KLHL29: variants seen among roughly 807,000 people sequenced by gnomAD.
The protein encoded by KLHL29 is kelch-like protein 29.
A neutral mutation model predicts 80.4 loss-of-function variants in KLHL29; 21 were observed. The observed-to-expected ratio is 0.26, with a 90% CI of 0.19 to 0.38. KLHL29 has a LOEUF of 0.38. Among genes scored for constraint, KLHL29 ranks in the 10% least tolerant of loss-of-function variants. KLHL29 has a pLI of 1.00. For synonymous variants in KLHL29, 511 were observed against 526.8 expected, an observed-to-expected ratio of 0.97 and a Z score of 0.41; for missense variants, 867 against 1,223.9, an observed-to-expected ratio of 0.71 and a Z score of 4.35.
rs1274152609 is a variant in KLHL29 at position 23,691,677 on chromosome 2, C to T, written c.1083C>T (p.Ser361=). ...SLYFKDLIQR[S]VQDSGQGGRE... ...ACACCCTGGTCTCTGTGCCTAGGTC[C>T]GTGCAAGACAGCGGCCAGGGCGGCC... The change falls in exon 7 of 14, where the codon TCC becomes TCT. Residue 361 remains serine, a synonymous_variant. Coordinates refer to ENST00000486442, the MANE Select transcript of KLHL29 (RefSeq NM_052920.2). The T allele has an allele frequency of 7.7e-6, 12 of 1,551,520 alleles. No homozygotes were observed. In the Admixed American group the frequency reaches 7.8e-5, roughly 10 times the overall value.
In KLHL29 at chr2:23,574,376, G is replaced by A. The variant is rs148568179; in HGVS notation, c.285+11895G>A. Among the ~76,000 whole-genome samples, 705 of 152,272 alleles carry A rather than the reference G, an allele frequency of 4.6e-3. 5 individuals are homozygous for A. Among genetic ancestry groups the A allele is most frequent in the African/African-American group, 0.016 (662 of 41,550 alleles). On this transcript the variant is annotated intron_variant, in intron 3 of 13. Coordinates refer to ENST00000486442, the MANE Select transcript of KLHL29 (RefSeq NM_052920.2). ...CTGAATGACTTTAAGGTGGAACGCCGAAGCTCTCTGAGACTGTTTCCTTAT... is the reference window on the plus strand; with the variant it reads ...CTGAATGACTTTAAGGTGGAACGCCAAAGCTCTCTGAGACTGTTTCCTTAT...
At chr2:23,675,221 C>G (rs1426065296) in intron 5 of KLHL29, among the ~76,000 whole-genome samples, 1 of 152,204 alleles carries the variant, frequency 6.6e-6, no homozygotes, top group East Asian at 1.9e-4. Flanking sequence ...AAGTAGCAAC[C>G]TTTTTGCTGG....
intron 3 of KLHL29, among the ~76,000 whole-genome samples, chr2:23,609,845 A>G (rs1039530515): frequency 1.3e-5 from 2 of 152,150 alleles, no homozygotes; most frequent in African/African-American, 4.8e-5. Context: ...AGTTGGTGCA[A>G]GACTACACTA....
At chr2:23,407,975 G>A (rs1454281064) in intron 1 of KLHL29, among the ~76,000 whole-genome samples, 1 of 151,764 alleles carries the variant, frequency 6.6e-6, no homozygotes, top group Non-Finnish European at 1.5e-5. Context: ...GCATTGGTGC[G>A]ATCTTGACTC....
At chr2:23,551,606 C>G (rs1667131748) in intron 2 of KLHL29, among the ~76,000 whole-genome samples, 1 of 152,210 alleles carries the variant, frequency 6.6e-6, no homozygotes, top group South Asian at 2.1e-4. Context: ...GTATTAAGCC[C>G]TGTCATTATG....
intron 2 of KLHL29, among the ~76,000 whole-genome samples, chr2:23,502,843 G>C (rs1234615402): frequency 6.6e-6 from 1 of 152,186 alleles, no homozygotes; most frequent in East Asian, 1.9e-4. Flanking sequence ...AAGAAGCCAG[G>C]CTGCAGTGTG....
intron 2 of KLHL29, among the ~76,000 whole-genome samples, chr2:23,545,009 G>C (rs1455421060): frequency 1.3e-5 from 2 of 152,186 alleles, no homozygotes; most frequent in African/African-American, 4.8e-5. Flanking sequence ...GCTGGGTGGA[G>C]AATACTCTGA....
At chr2:23,475,164 C>G (rs1333008698) in intron 1 of KLHL29, among the ~76,000 whole-genome samples, 1 of 151,934 alleles carries the variant, frequency 6.6e-6, no homozygotes, top group Non-Finnish European at 1.5e-5. Context: ...TTCTTTTTCC[C>G]CATTGCTGGA....
At chr2:23,588,019 G>A (rs921971173) in intron 3 of KLHL29, among the ~76,000 whole-genome samples, 1 of 152,182 alleles carries the variant, frequency 6.6e-6, no homozygotes. Context: ...GCCCTCTGCT[G>A]TCCTCAGATC....
At chr2:23,486,463 A>G (rs886867261) in intron 2 of KLHL29, among the ~76,000 whole-genome samples, 19 of 151,920 alleles carry the variant, frequency 1.3e-4, no homozygotes, top group Admixed American at 7.9e-4. Flanking sequence ...GACTGGATTT[A>G]TGATCGATCC....
At chr2:23,636,118 T>G (rs964445963) in intron 3 of KLHL29, among the ~76,000 whole-genome samples, 1 of 152,072 alleles carries the variant, frequency 6.6e-6, no homozygotes, top group Non-Finnish European at 1.5e-5. Flanking sequence ...GGGGACCACA[T>G]GGGTTTACTG....
In KLHL29 at chr2:23,385,703, C is replaced by T. The variant is rs968377469; in HGVS notation, c.-231C>T. On this transcript the variant is annotated 5_prime_UTR_variant, in exon 1 of 14. Transcript: ENST00000486442. ...CCGCTACCCGCCGGCGCTGTCCGCT[C>T]TCCATCAGCCCTCCTGCGCCCACCC... 6.1e-6 allele frequency: 1 copy of T among 164,700 alleles called. No individual in the cohort carries two copies. 10.2% of individuals were successfully genotyped at this position (164,700 alleles called of 1,614,324 possible).
rs752573336 is a variant in KLHL29, at chr2:23,696,149, G to A, written c.1924+16G>A. The stretch of plus-strand genomic sequence containing the variant: ...TACCTCTCAGGTGAGGCCCCCCGGG[G>A]TTGGGGCGGGACCAGGCATGGGGGT... On this transcript the variant is annotated intron_variant, in intron 10 of 13. Coordinates refer to ENST00000486442, the MANE Select transcript of KLHL29 (RefSeq NM_052920.2). This position sits in a 1 kb window ranked among gnomAD's most constrained non-coding sequence, Gnocchi z 5.5. The A allele has an allele frequency of 1.2e-5, 18 of 1,548,338 alleles. No individual in the cohort carries two copies. In the African/African-American group the frequency reaches 2.5e-4, roughly 21 times the overall value.
chr2:23,399,222 C>T (rs1013437245), intron 1 of KLHL29, among the ~76,000 whole-genome samples: 2 of 152,250 alleles, frequency 1.3e-5, no homozygotes, highest in African/African-American at 2.4e-5. Context: ...TTTGTGCTGT[C>T]ACTGCATTTC....
chr2:23,635,438 A>G (rs946219614), intron 3 of KLHL29, among the ~76,000 whole-genome samples: 3 of 152,154 alleles, frequency 2.0e-5, no homozygotes, highest in African/African-American at 7.2e-5. Flanking sequence ...GTCCTCTGAG[A>G]CTGCTGCAGG....
chr2:23,538,654 G>T (rs1666747060), intron 2 of KLHL29, among the ~76,000 whole-genome samples: 1 of 152,234 alleles, frequency 6.6e-6, no homozygotes. Flanking sequence ...ATGTCACTCT[G>T]TTAGCTGTCT....
At chr2:23,510,802 A>T (rs1665747080) in intron 2 of KLHL29, among the ~76,000 whole-genome samples, 1 of 152,118 alleles carries the variant, frequency 6.6e-6, no homozygotes, top group South Asian at 2.1e-4. Flanking sequence ...ATGCCTTCTC[A>T]AGCCATCTCC....
intron 1 of KLHL29, among the ~76,000 whole-genome samples, chr2:23,421,558 GTGTGTGTCTGTAGCTGTGTGTGTC>G (rs1195921539): frequency 7.3e-6 from 1 of 136,202 alleles, no homozygotes; most frequent in Non-Finnish European, 1.5e-5. Flanking sequence ...GTGTGTGTGT[GTGTGTGTCTGTAGCTGTGTGTGTC>G]TGTGTGTCTG....
At chr2:23,588,913 C>T (rs1668183488) in intron 3 of KLHL29, among the ~76,000 whole-genome samples, 1 of 152,232 alleles carries the variant, frequency 6.6e-6, no homozygotes, top group African/African-American at 2.4e-5. Context: ...CTCTCAGACA[C>T]CAGCCGTACC....
Sources: gnomAD v4.1 joint callset for allele counts (sites outside exome capture counted in the v4.1 genomes callset) on GRCh38, gnomAD v4.1.1 for gene constraint, Gnocchi (gnomAD v3.1) non-coding constraint, MANE v1.5 for transcripts, NCBI Gene and HGNC (gene_info 2026-07-23, HGNC 2026-07-21) for gene names.